CREB5: variants seen among roughly 807,000 people sequenced by gnomAD.
The protein encoded by CREB5 is cyclic AMP-responsive element-binding protein 5.
Under a neutral mutation model 57.1 loss-of-function variants are expected in CREB5, and 19 were observed. The observed-to-expected ratio is 0.33, with a 90% CI of 0.23 to 0.49. The LOEUF is 0.49. CREB5 is among the 20% of genes least tolerant of loss of function. The probability of loss-of-function intolerance (pLI) is 0.99; values close to 1 mark genes in which losing one functional copy is unlikely to be tolerated. For synonymous variants in CREB5, 238 were observed against 238.3 expected (o/e 1.00, Z 0.01); for missense variants, 579 against 671.6 (o/e 0.86, Z 1.52).
chr7:28,379,728 T>C (rs1281960911), intron 1 of CREB5, among the ~76,000 whole-genome samples: 1 of 152,208 alleles, frequency 6.6e-6, no homozygotes, highest in Non-Finnish European at 1.5e-5. Context: ...GGGATTCTAA[T>C]GTGCAGCCAA....
intron 8 of CREB5, among the ~76,000 whole-genome samples, chr7:28,808,936 CT>C (rs1472938356): frequency 6.6e-6 from 1 of 152,152 alleles, no homozygotes; most frequent in Admixed American, 6.5e-5. Flanking sequence ...AAAAATCCAT[CT>C]GACTACATCT....
intron 4 of CREB5, among the ~76,000 whole-genome samples, chr7:28,546,981 C>T (rs1794448108): frequency 6.6e-6 from 1 of 152,206 alleles, no homozygotes; most frequent in Admixed American, 6.5e-5. Flanking sequence ...TAATTAAAAC[C>T]TGGCCTTCCA....
chr7:28,765,834 C>A (rs1234582801), intron 7 of CREB5, among the ~76,000 whole-genome samples: 1 of 152,164 alleles, frequency 6.6e-6, no homozygotes, highest in East Asian at 1.9e-4. Context: ...TGGGCCCCCA[C>A]CATGCCTCGA....
At chr7:28,481,873 G>C (rs217516) in intron 1 of CREB5, among the ~76,000 whole-genome samples, 46,721 of 152,038 alleles carry the variant, frequency 0.31, 8,030 homozygotes, top group Middle Eastern at 0.4. Flanking sequence ...GATGCCCACA[G>C]AAAGAGAGAG....
rs1809910410 is a variant in CREB5 at position 28,823,688 on chromosome 7, T to C, written c.*4409T>C. 1 of 152,400 alleles carries C rather than the reference T, an allele frequency of 6.6e-6. No homozygotes were observed. The highest frequency in any genetic ancestry group is 2.4e-5 in the African/African-American group (1 of 41,580). 9.4% of individuals were successfully genotyped at this position (152,400 alleles called of 1,614,324 possible). A position where few individuals can be genotyped will look rare whatever the true frequency, so the allele number is the denominator to read the frequency against. On this transcript the variant is annotated 3_prime_UTR_variant, in exon 11 of 11. Coordinates refer to ENST00000357727, the MANE Select transcript of CREB5 (RefSeq NM_182898.4). ...AGTAACTCTAACTGGAACAGCTTTC[T>C]TGTAGAAGTGTAAAAACAGCTTCAT...
In CREB5 at chr7:28,560,905, C is replaced by CGTGTGTGTGTGT. The variant is rs1213126401; in HGVS notation, c.292-9457_292-9456insTGTGTGTGTGTG. ...GTGCGTGCGTGTGTGTGCGTGCGCG[C>CGTGTGTGTGTGT]GTGCGTGTGCGTGTGTGCGCGTGCG... On this transcript the variant is annotated intron_variant, in intron 4 of 10. Transcript: ENST00000357727. Among the ~76,000 whole-genome samples the CGTGTGTGTGTGT allele has an allele frequency of 3.9e-3, 52 of 13,476 alleles. 2 individuals are homozygous for CGTGTGTGTGTGT. Among genetic ancestry groups the CGTGTGTGTGTGT allele is most frequent in the East Asian group, 0.028 (6 of 216 alleles). 8.8% of individuals were successfully genotyped at this position (13,476 alleles called of 152,430 possible). A position where few individuals can be genotyped will look rare whatever the true frequency, so the allele number is the denominator to read the frequency against.
chr7:28,378,407 C>T (rs1037720562), intron 1 of CREB5, among the ~76,000 whole-genome samples: 6 of 151,864 alleles, frequency 4.0e-5, no homozygotes, highest in Non-Finnish European at 8.8e-5. Flanking sequence ...CAAAACTACA[C>T]GTTGTACATA....
At chr7:28,772,815 TTC>T (rs1274927741) in intron 7 of CREB5, among the ~76,000 whole-genome samples, 1 of 152,166 alleles carries the variant, frequency 6.6e-6, no homozygotes, top group Non-Finnish European at 1.5e-5. Context: ...CAAGTCCTCC[TTC>T]TCTCATCTAC....
chr7:28,699,076 G>A (rs1044660862), intron 5 of CREB5, among the ~76,000 whole-genome samples: 7 of 152,122 alleles, frequency 4.6e-5, no homozygotes, highest in African/African-American at 1.7e-4. Context: ...TTTGCTCTGT[G>A]AGGCTGCCTT....
intron 5 of CREB5, among the ~76,000 whole-genome samples, chr7:28,640,341 A>G (rs1798602528): frequency 6.6e-6 from 1 of 152,226 alleles, no homozygotes; most frequent in South Asian, 2.1e-4. Flanking sequence ...TTGATCACAC[A>G]TGAAGTAACA....
intron 1 of CREB5, among the ~76,000 whole-genome samples, chr7:28,453,924 C>A (rs757582556): frequency 7.3e-6 from 1 of 136,294 alleles, no homozygotes; most frequent in African/African-American, 3.6e-5. Flanking sequence ...CTGGTCCAAA[C>A]AAATTCCTAA....
intron 1 of CREB5, among the ~76,000 whole-genome samples, chr7:28,376,143 A>G (rs1018153918): frequency 1.3e-5 from 2 of 152,164 alleles, no homozygotes; most frequent in Non-Finnish European, 2.9e-5. Context: ...GCTGGTGCCA[A>G]TCATCAGCTG....
intron 4 of CREB5, among the ~76,000 whole-genome samples, chr7:28,527,162 A>C (rs1236722094): frequency 1.3e-5 from 2 of 152,154 alleles, no homozygotes; most frequent in African/African-American, 2.4e-5. Context: ...AACATCCAAG[A>C]AGTAGTTTGG....
chr7:28,429,480 T>C (rs1362346781), intron 1 of CREB5, among the ~76,000 whole-genome samples: 2 of 152,226 alleles, frequency 1.3e-5, no homozygotes, highest in African/African-American at 4.8e-5. Context: ...ATTAATGTAA[T>C]ACTTTACACT....
At chr7:28,522,068 TTCA>T (rs985059253) in intron 4 of CREB5, among the ~76,000 whole-genome samples, 1 of 152,212 alleles carries the variant, frequency 6.6e-6, no homozygotes, top group African/African-American at 2.4e-5. Context: ...ATTATCCCCG[TTCA>T]TCATAGCAAT....
intron 1 of CREB5, among the ~76,000 whole-genome samples, chr7:28,365,986 T>C (rs1786578518): frequency 1.3e-5 from 2 of 152,198 alleles, no homozygotes; most frequent in Non-Finnish European, 2.9e-5. Context: ...TTAAAACTGT[T>C]ATATGGTTCT....
At chr7:28,809,010 CT>C (rs1042322215) in intron 8 of CREB5, among the ~76,000 whole-genome samples, 176 bp from the exon 9 acceptor site, 17 of 152,174 alleles carry the variant, frequency 1.1e-4, no homozygotes, top group African/African-American at 3.6e-4. Context: ...GATGCTTTTC[CT>C]TTTCTTTCAT....
At chr7:28,395,157 C>G (rs940450927) in intron 1 of CREB5, among the ~76,000 whole-genome samples, 1 of 152,114 alleles carries the variant, frequency 6.6e-6, no homozygotes, top group Non-Finnish European at 1.5e-5. Flanking sequence ...TTCATTTAAA[C>G]AAAAACCATT....
intron 5 of CREB5, among the ~76,000 whole-genome samples, chr7:28,712,942 C>T (rs1342556589): frequency 6.6e-6 from 1 of 152,098 alleles, no homozygotes; most frequent in Non-Finnish European, 1.5e-5. Flanking sequence ...CTCTCTTTAG[C>T]ATTTCAGTCT....
Sources: allele counts gnomAD v4.1 joint callset (sites outside exome capture counted in the v4.1 genomes callset), GRCh38; gene constraint gnomAD v4.1.1; transcripts MANE v1.5; gene names NCBI Gene and HGNC (gene_info 2026-07-23, HGNC 2026-07-21).